The following ITM2C variants were observed in gnomAD, a reference collection of about 807,000 sequenced individuals.
The protein encoded by ITM2C is BRICHOS domain containing 2C.
A neutral mutation model predicts 30.0 loss-of-function variants in ITM2C; 20 were observed. That is an observed-to-expected ratio of 0.67 (90% CI 0.47 to 0.97). The LOEUF is 0.97. Among genes scored for constraint, ITM2C ranks in the 50% least tolerant of loss-of-function variants. The probability of loss-of-function intolerance (pLI) is 0.00; values close to 1 mark genes in which losing one functional copy is unlikely to be tolerated. For missense variants in ITM2C, 366 were observed against 371.9 expected (o/e 0.98, Z 0.13); for synonymous variants, 167 against 156.4 (o/e 1.07, Z -0.51).
Position 230,865,907 on chromosome 2 carries a change from C to T in ITM2C, c.120+762C>T, listed in dbSNP as rs1469902904. On this transcript the variant is annotated intron_variant, in intron 1 of 5. Coordinates refer to ENST00000326427, the MANE Select transcript of ITM2C (RefSeq NM_030926.6). This position sits in a 1 kb window ranked among gnomAD's most constrained non-coding sequence, Gnocchi z 6.8. ...TCCCCCGACCCCACGGGGAGGGCTC[C>T]CAACTGCCCCAGTGCCCTTGCATCC... 6.6e-6 allele frequency: 1 copy of T among 152,240 alleles called. No homozygotes were observed. The highest frequency in any genetic ancestry group is 2.4e-5 in the African/African-American group (1 of 41,358). 9.4% of individuals were successfully genotyped at this position (152,240 alleles called of 1,614,324 possible). A position where few individuals can be genotyped will look rare whatever the true frequency, so the allele number is the denominator to read the frequency against.
intron 2 of ITM2C, among the ~76,000 whole-genome samples, chr2:230,874,026 C>T (rs925911570): frequency 6.6e-6 from 1 of 152,326 alleles, no homozygotes; most frequent in Non-Finnish European, 1.5e-5. Flanking sequence ...AGGAGTGTGT[C>T]CTTGCTGCCA....
Position 230,876,936 on chromosome 2 carries a change from G to T in ITM2C, c.530G>T (p.Arg177Leu). The T allele has an allele frequency of 6.2e-7, 1 of 1,613,638 alleles. No individual in the cohort carries two copies. The highest frequency in any genetic ancestry group is 8.5e-7 in the Non-Finnish European group (1 of 1,179,620). The change falls in exon 4 of 6, where the codon CGC becomes CTC. Residue 177 changes from arginine (R) to leucine (L), a missense_variant. Coordinates refer to ENST00000326427, the MANE Select transcript of ITM2C (RefSeq NM_030926.6). Reference sequence around the variant, plus strand: ...AACACCACCATTGTGCTGCCCCCTCGCAACTTCTGGGAGCTCCTCATGAAC... The same window carrying T: ...AACACCACCATTGTGCTGCCCCCTCTCAACTTCTGGGAGCTCCTCATGAAC... ...ELNTTIVLPP[R>L]NFWELLMNVK...
chr2:230,875,740 C>A lies in ITM2C; in HGVS notation c.382C>A (p.Arg128Ser). Residue 128 changes from arginine (R) to serine (S), a missense_variant, in exon 3 of 6, where the codon CGC becomes AGC. Coordinates refer to ENST00000326427, the MANE Select transcript of ITM2C (RefSeq NM_030926.6). The part of the protein sequence containing the change: ...VKIYLDENYE[R>S]INVPVPQFGG... ...AATCTACCTCGACGAGAACTACGAG[C>A]GCATCAACGTGCCTGTGCCCCAGTT... 1 of 1,613,096 alleles carries A rather than the reference C, an allele frequency of 6.2e-7. No individual in the cohort carries two copies.
In ITM2C at chr2:230,875,669, T is replaced by A. The variant is rs1351522658; in HGVS notation, c.311T>A (p.Leu104Gln). Residue 104 changes from leucine (L) to glutamine (Q), a missense_variant, in exon 3 of 6, where the codon CTG (leucine) becomes CAG (glutamine). Leu to Gln is a moderately radical substitution (Grantham distance 113). Coordinates refer to ENST00000326427, the MANE Select transcript of ITM2C (RefSeq NM_030926.6). ...TGTGGTGTGCTGTATGAGGACTCCC[T>A]GTCCTCCCAGGTCCGGACTCAGATG... is the stretch of plus-strand genomic sequence containing the variant. ...FRCGVLYEDS[L>Q]SSQVRTQMEL... 6.8e-6 allele frequency: 11 copies of A among 1,613,458 alleles called. No individual in the cohort carries two copies. Among genetic ancestry groups the A allele is most frequent in the Non-Finnish European group, 2.5e-6 (3 of 1,179,566 alleles).
chr2:230,878,995 C>G lies in ITM2C; in HGVS notation c.*896C>G, dbSNP rs192938267. The G allele has an allele frequency of 2.0e-5, 3 of 152,724 alleles. No individual in the cohort carries two copies. Among genetic ancestry groups the G allele is most frequent in the Non-Finnish European group, 2.9e-5 (2 of 68,018 alleles). 9.5% of individuals were successfully genotyped at this position (152,724 alleles called of 1,614,324 possible). Reference sequence around the variant, plus strand: ...GGAGAGCCACCTGGTACTTGTCCACCCTGCCTCCTCTGTTCTGAAATTCCA... The same window carrying G: ...GGAGAGCCACCTGGTACTTGTCCACGCTGCCTCCTCTGTTCTGAAATTCCA... On this transcript the variant is annotated 3_prime_UTR_variant, in exon 6 of 6. Coordinates refer to ENST00000326427, the MANE Select transcript of ITM2C (RefSeq NM_030926.6). The surrounding 1 kb of genome is among the most constrained non-coding windows in gnomAD (Gnocchi z 4.5).
rs767209715 is a variant in ITM2C, at chr2:230,876,884, C to T, written c.478C>T (p.Leu160=). The T allele has an allele frequency of 3.7e-6, 6 of 1,613,942 alleles. No homozygotes were observed. In the East Asian group the frequency reaches 1.3e-4, roughly 36 times the overall value. The change falls in exon 4 of 6, where the codon CTG becomes TTG. Residue 160 remains leucine (L), a synonymous_variant. Coordinates refer to ENST00000326427, the MANE Select transcript of ITM2C (RefSeq NM_030926.6). ...RGLTAYHDIS[L]DKCYVIELNT... is the part of the protein sequence containing the mutation. The stretch of plus-strand genomic sequence containing the variant: ...TCTGACTGCGTACCATGATATCTCC[C>T]TGGACAAGTGCTATGTCATCGAACT...
Position 230,865,229 on chromosome 2 carries a change from C to G in ITM2C, c.120+84C>G. 1 of 1,265,428 alleles carries G rather than the reference C, an allele frequency of 7.9e-7. No homozygotes were observed. 78.4% of individuals were successfully genotyped at this position (1,265,428 alleles called of 1,614,324 possible). A position where few individuals can be genotyped will look rare whatever the true frequency, so the allele number is the denominator to read the frequency against. ...CGCCCCGTCGGCCCTGGGGACTGCC[C>G]GAGGCGCGTCAGGGCCCCAGAGCCC... On this transcript the variant is annotated intron_variant, in intron 1 of 5. Transcript: ENST00000326427. This position sits in a 1 kb window ranked among gnomAD's most constrained non-coding sequence, Gnocchi z 6.8.
Position 230,877,345 on chromosome 2 carries a change from G to T in ITM2C, c.562-55G>T. On this transcript the variant is annotated intron_variant, in intron 4 of 5. Transcript: ENST00000326427. The surrounding 1 kb of genome is among the most constrained non-coding windows in gnomAD (Gnocchi z 4.8). ...AGGTGGGCTGGCATTTCGGGCGAGG[G>T]GTTGGACGAAAGCCTGAGGGGCCGA... 6.3e-7 allele frequency: 1 copy of T among 1,590,052 alleles called. No individual in the cohort carries two copies. Among genetic ancestry groups the T allele is most frequent in the Non-Finnish European group, 8.6e-7 (1 of 1,163,076 alleles).
chr2:230,870,053 A>G (rs905195890), intron 1 of ITM2C, among the ~76,000 whole-genome samples: 1 of 152,242 alleles, frequency 6.6e-6, no homozygotes, highest in Non-Finnish European at 1.5e-5. Context: ...AAGGTGGGCC[A>G]TTCGGCCATC....
chr2:230,865,082 C>A lies in ITM2C; in HGVS notation c.57C>A (p.Asp19Glu). ...AVAGIKGDKA[D>E]KASASAPAPA... ...CTGGCATCAAGGGCGACAAGGCTGA[C>A]AAGGCGTCGGCGTCGGCCCCTGCGC... Residue 19 changes from aspartate to glutamate, a missense_variant, in exon 1 of 6, where the codon GAC becomes GAA. By Grantham distance (45) the Asp-to-Glu change is conservative. Transcript: ENST00000326427. The surrounding 1 kb of genome is among the most constrained non-coding windows in gnomAD (Gnocchi z 6.8). 1 of 1,537,942 alleles carries A rather than the reference C, an allele frequency of 6.5e-7. No individual in the cohort carries two copies.
rs1037658553 is a variant in ITM2C, at chr2:230,875,679, G to C, written c.321G>C (p.Gln107His). The C allele has an allele frequency of 1.2e-6, 2 of 1,613,742 alleles. No individual in the cohort carries two copies. The highest frequency in any genetic ancestry group is 2.7e-5 in the African/African-American group (2 of 74,894). Reference sequence around the variant, plus strand: ...TGTATGAGGACTCCCTGTCCTCCCAGGTCCGGACTCAGATGGAGCTGGAAG... The same window carrying C: ...TGTATGAGGACTCCCTGTCCTCCCACGTCCGGACTCAGATGGAGCTGGAAG... ...GVLYEDSLSS[Q>H]VRTQMELEED... is the part of the protein sequence containing the mutation. The change falls in exon 3 of 6, where the codon CAG becomes CAC. Residue 107 changes from glutamine to histidine, a missense_variant. By Grantham distance (24) the Gln-to-His change is conservative. Coordinates refer to ENST00000326427, the MANE Select transcript of ITM2C (RefSeq NM_030926.6).
At position 230,876,844 on chromosome 2, in the gene ITM2C, C is replaced by T; in HGVS notation, c.451-13C>T. On this transcript the variant is annotated splice_polypyrimidine_tract_variant and intron_variant, in intron 3 of 5. Transcript: ENST00000326427. ...CCTCCTGCAGAGACTGACCCAACCC[C>T]TTCTCCTGCCAGGGTCTGACTGCGT... 1.3e-6 allele frequency: 2 copies of T among 1,593,016 alleles called. No individual in the cohort carries two copies. The highest frequency in any genetic ancestry group is 2.2e-5 in the East Asian group (1 of 44,756).
Position 230,873,390 on chromosome 2 carries a change from C to T in ITM2C, c.121-27C>T, listed in dbSNP as rs760500134. 18 of 1,513,194 alleles carry T rather than the reference C, an allele frequency of 1.2e-5. No individual in the cohort carries two copies. The East Asian group carries it at 4.2e-4, about 35-fold the overall frequency. The allele number at this position is 1,513,194 out of a possible 1,614,324, so 93.7% of individuals were successfully genotyped here. A position where few individuals can be genotyped will look rare whatever the true frequency, so the allele number is the denominator to read the frequency against. ...ATTTCCAGGGGAGGGGCCCTGGCCC[C>T]CACTGACCCAGCATTGCTATCCACA... On this transcript the variant is annotated intron_variant, in intron 1 of 5. Transcript: ENST00000326427.
chr2:230,878,004 C>T lies in ITM2C; in HGVS notation c.713-4C>T, dbSNP rs1689962530. 6.2e-7 allele frequency: 1 copy of T among 1,612,250 alleles called. No homozygotes were observed. The highest frequency in any genetic ancestry group is 1.3e-5 in the African/African-American group (1 of 74,790). On this transcript the variant is annotated splice_region_variant and splice_polypyrimidine_tract_variant and intron_variant, in intron 5 of 5. Transcript: ENST00000326427. The surrounding 1 kb of genome is among the most constrained non-coding windows in gnomAD (Gnocchi z 4.5). The stretch of plus-strand genomic sequence containing the variant: ...CTCACTGGGGTTTTTCTTTTTCCTC[C>T]CAGGGATCAACAAGCGTGGGGCCAA...
chr2:230,879,137 TAA>T lies in ITM2C; in HGVS notation c.*1039_*1040del, dbSNP rs1491117230. Reference sequence around the variant, plus strand: ...CCCTGAGCCTTGGAGAGGAGGGCTGTAACGCCTTCAGTCAGTCTCTGGGGATG... The same window carrying T: ...CCCTGAGCCTTGGAGAGGAGGGCTGTCGCCTTCAGTCAGTCTCTGGGGATG... On this transcript the variant is annotated 3_prime_UTR_variant, in exon 6 of 6. Coordinates refer to ENST00000326427, the MANE Select transcript of ITM2C (RefSeq NM_030926.6). 3 of 152,684 alleles carry T rather than the reference TAA, an allele frequency of 2.0e-5. No individual in the cohort carries two copies. The highest frequency in any genetic ancestry group is 6.5e-5 in the Admixed American group (1 of 15,288). 9.5% of individuals were successfully genotyped at this position (152,684 alleles called of 1,614,324 possible). A position where few individuals can be genotyped will look rare whatever the true frequency, so the allele number is the denominator to read the frequency against.
chr2:230,877,346 G>A lies in ITM2C; in HGVS notation c.562-54G>A. On this transcript the variant is annotated intron_variant, in intron 4 of 5. Coordinates refer to ENST00000326427, the MANE Select transcript of ITM2C (RefSeq NM_030926.6). The surrounding 1 kb of genome is among the most constrained non-coding windows in gnomAD (Gnocchi z 4.8). ...GGTGGGCTGGCATTTCGGGCGAGGG[G>A]TTGGACGAAAGCCTGAGGGGCCGAC... The A allele has an allele frequency of 6.9e-6, 11 of 1,593,578 alleles. No individual in the cohort carries two copies. The highest frequency in any genetic ancestry group is 1.7e-6 in the Non-Finnish European group (2 of 1,166,014).
rs1164472409 is a variant in ITM2C, at chr2:230,865,475, ATGT to A, written c.120+333_120+335del. 4.5e-6 allele frequency: 1 copy of A among 223,160 alleles called. No homozygotes were observed. Among genetic ancestry groups the A allele is most frequent in the African/African-American group, 2.3e-5 (1 of 43,750 alleles). The allele number at this position is 223,160 out of a possible 1,614,324, so 13.8% of individuals were successfully genotyped here. A position where few individuals can be genotyped will look rare whatever the true frequency, so the allele number is the denominator to read the frequency against. On this transcript the variant is annotated intron_variant, in intron 1 of 5. Coordinates refer to ENST00000326427, the MANE Select transcript of ITM2C (RefSeq NM_030926.6). The surrounding 1 kb of genome is among the most constrained non-coding windows in gnomAD (Gnocchi z 6.8). ...GGGCTGGTCCGAAGAAGTTCGAGGA[ATGT>A]TGGTGGGGGGGTACGCGTCTGGTTC... is the stretch of plus-strand genomic sequence containing the variant.
chr2:230,878,437 T>A lies in ITM2C; in HGVS notation c.*338T>A, dbSNP rs1689994177. On this transcript the variant is annotated 3_prime_UTR_variant, in exon 6 of 6. Coordinates refer to ENST00000326427, the MANE Select transcript of ITM2C (RefSeq NM_030926.6). This position sits in a 1 kb window ranked among gnomAD's most constrained non-coding sequence, Gnocchi z 4.5. ...AAGGACCGGTTGGGGGAGCCGGGCA[T>A]GTGAGGCCCTGGGCAAGGGGATGGG... The A allele has an allele frequency of 5.3e-6, 1 of 187,482 alleles. No individual in the cohort carries two copies. Among genetic ancestry groups the A allele is most frequent in the African/African-American group, 2.4e-5 (1 of 42,484 alleles). 11.6% of individuals were successfully genotyped at this position (187,482 alleles called of 1,614,324 possible).
At position 230,878,202 on chromosome 2, in the gene ITM2C, T is replaced by A. The variant is rs1208724599; in HGVS notation, c.*103T>A. 1.3e-6 allele frequency: 1 copy of A among 762,384 alleles called. No homozygotes were observed. Among genetic ancestry groups the A allele is most frequent in the Non-Finnish European group, 2.1e-6 (1 of 485,884 alleles). The allele number at this position is 762,384 out of a possible 1,614,324, so 47.2% of individuals were successfully genotyped here. A position where few individuals can be genotyped will look rare whatever the true frequency, so the allele number is the denominator to read the frequency against. On this transcript the variant is annotated 3_prime_UTR_variant, in exon 6 of 6. Coordinates refer to ENST00000326427, the MANE Select transcript of ITM2C (RefSeq NM_030926.6). This position sits in a 1 kb window ranked among gnomAD's most constrained non-coding sequence, Gnocchi z 4.5. ...CTGCTTAGCTTGTACTTTGGACGCG[T>A]TTCTATAGAGGTGACATGTCTCTCC...
Sources: gnomAD v4.1 joint callset for allele counts (sites outside exome capture counted in the v4.1 genomes callset) on GRCh38, gnomAD v4.1.1 for gene constraint, Gnocchi (gnomAD v3.1) non-coding constraint, MANE v1.5 for transcripts, NCBI Gene and HGNC (gene_info 2026-07-23, HGNC 2026-07-21) for gene names.